SHC4: variants seen among roughly 807,000 people sequenced by gnomAD.
SHC4 encodes the protein SHC adaptor protein 4, also known as SHC-transforming protein 4.
A neutral mutation model predicts 69.4 loss-of-function variants in SHC4; 41 were observed. That is an observed-to-expected ratio of 0.59 (90% CI 0.46 to 0.77). The LOEUF (loss-of-function observed/expected upper bound fraction) is 0.77, where lower values mean the gene tolerates loss of function less well. SHC4 is among the 30% of genes least tolerant of loss of function. The pLI is 0.00. For synonymous variants in SHC4, 318 were observed against 299.3 expected (o/e 1.06, Z -0.64); for missense variants, 777 against 783.8 (o/e 0.99, Z 0.10).
At chr15:48,960,209 C>T (rs1462152032) in intron 1 of SHC4, among the ~76,000 whole-genome samples, 1 of 152,114 alleles carries the variant, frequency 6.6e-6, no homozygotes, top group Non-Finnish European at 1.5e-5. Context: ...GAGGCACTCC[C>T]TAGGGAAACT....
intron 1 of SHC4, among the ~76,000 whole-genome samples, chr15:48,949,885 T>G (rs1001877144): frequency 2.1e-5 from 3 of 145,132 alleles, no homozygotes; most frequent in African/African-American, 7.5e-5. Context: ...TTATAATGTA[T>G]GTATACAAGT....
intron 2 of SHC4, among the ~76,000 whole-genome samples, chr15:48,914,794 T>C (rs181145042): frequency 3.8e-4 from 58 of 152,346 alleles, no homozygotes; most frequent in African/African-American, 1.2e-3. Flanking sequence ...TTTTTAAGCA[T>C]ACAGCTCAGT....
rs117523406 is a variant in SHC4 at position 48,938,835 on chromosome 15, G to C, written c.586-13886C>G. ...GACTGATACAATAACCATGAGAGGG[G>C]AGAAGGAATATGGCATACAGTCTAG... On this transcript the variant is annotated intron_variant, in intron 1 of 11. Coordinates refer to ENST00000332408, the MANE Select transcript of SHC4 (RefSeq NM_203349.4). Among the ~76,000 whole-genome samples, 164 of 152,316 alleles carry C rather than the reference G, an allele frequency of 1.1e-3. No individual in the cohort carries two copies. The East Asian group carries it at 0.028, about 26-fold the overall frequency.
At chr15:48,926,434 C>G (rs1320600076) in intron 1 of SHC4, among the ~76,000 whole-genome samples, 1 of 151,752 alleles carries the variant, frequency 6.6e-6, no homozygotes, top group Non-Finnish European at 1.5e-5. Context: ...GGGCACCTAC[C>G]CAAACACTTC....
intron 1 of SHC4, among the ~76,000 whole-genome samples, chr15:48,955,124 A>ACTCTGT (rs1901424166): frequency 6.6e-6 from 1 of 152,060 alleles, no homozygotes; most frequent in Non-Finnish European, 1.5e-5. Context: ...AGCCCCCAGT[A>ACTCTGT]CTCTGTCCCT....
At chr15:48,838,318 G>A (rs866347350) in intron 10 of SHC4, among the ~76,000 whole-genome samples, 104 of 152,260 alleles carry the variant, frequency 6.8e-4, no homozygotes, top group African/African-American at 2.3e-3. Context: ...CACAAATGAC[G>A]CAAAAGGACC....
At position 48,878,726 on chromosome 15, in the gene SHC4, A is replaced by G. The variant is rs1176747198; in HGVS notation, c.840+5522T>C. On this transcript the variant is annotated intron_variant, in intron 4 of 11. Coordinates refer to ENST00000332408, the MANE Select transcript of SHC4 (RefSeq NM_203349.4). ...CGAAGAACTCGGCTGTGATGAGATT[A>G]TTGATAGAGAGTAGTTAGATGCTGT... 4 of 1,613,076 alleles carry G rather than the reference A, an allele frequency of 2.5e-6. No homozygotes were observed. The East Asian group carries it at 8.9e-5, about 36-fold the overall frequency.
At position 48,867,892 on chromosome 15, in the gene SHC4, G is replaced by C. The variant is rs142469465; in HGVS notation, c.895-23C>G. On this transcript the variant is annotated intron_variant, in intron 5 of 11. Coordinates refer to ENST00000332408, the MANE Select transcript of SHC4 (RefSeq NM_203349.4). ...ATCCTATAAAAAAGGGAAAATGACT[G>C]TATTTAAAATGGATGAACTGTACTG... 1.1e-3 allele frequency: 1,829 copies of C among 1,596,428 alleles called. 38 individuals carry two copies. The East Asian group carries it at 0.033, about 29-fold the overall frequency.
At chr15:48,848,923 C>T (rs1899148941) in intron 9 of SHC4, among the ~76,000 whole-genome samples, 1 of 151,260 alleles carries the variant, frequency 6.6e-6, no homozygotes, top group Admixed American at 6.6e-5. Context: ...TGTGATTTAG[C>T]CCATTCAACA....
intron 1 of SHC4, among the ~76,000 whole-genome samples, chr15:48,956,171 T>A: frequency 6.6e-6 from 1 of 152,162 alleles, no homozygotes; most frequent in East Asian, 1.9e-4. Context: ...CAATGCCAAG[T>A]CATCAGTTTT....
At chr15:48,916,979 T>C (rs911298474) in intron 2 of SHC4, among the ~76,000 whole-genome samples, 3 of 152,202 alleles carry the variant, frequency 2.0e-5, no homozygotes, top group African/African-American at 7.2e-5. Flanking sequence ...GGTGATGAAA[T>C]AAATGTTCCC....
At chr15:48,869,873 C>G (rs552464866) in intron 5 of SHC4, among the ~76,000 whole-genome samples, 4 of 152,284 alleles carry the variant, frequency 2.6e-5, no homozygotes, top group African/African-American at 9.6e-5. Flanking sequence ...CACAGAGGTG[C>G]TCTCAATGCA....
At chr15:48,839,491 A>C (rs970171878) in intron 10 of SHC4, among the ~76,000 whole-genome samples, 3 of 151,874 alleles carry the variant, frequency 2.0e-5, no homozygotes, top group Non-Finnish European at 2.9e-5. Flanking sequence ...GACAGTGGAC[A>C]CCAAAAGTCC....
chr15:48,947,337 T>C (rs1321360964), intron 1 of SHC4: 1 of 152,152 alleles, frequency 6.6e-6, no homozygotes, highest in Non-Finnish European at 1.5e-5. Flanking sequence ...GGTACTGACA[T>C]GCAAGGGTGC....
chr15:48,878,511 C>T (rs1346676098), intron 4 of SHC4: 3 of 1,613,910 alleles, frequency 1.9e-6, no homozygotes, highest in South Asian at 2.2e-5. Flanking sequence ...TACGACTATC[C>T]CGAAGAGGAG....
chr15:48,947,887 T>C (rs1901302888), intron 1 of SHC4: 1 of 152,136 alleles, frequency 6.6e-6, no homozygotes, highest in Non-Finnish European at 1.5e-5. Context: ...AAAACAAAAA[T>C]CAAGGCATCT....
intron 11 of SHC4, among the ~76,000 whole-genome samples, chr15:48,828,826 T>C (rs954528698): frequency 5.3e-5 from 8 of 152,240 alleles, no homozygotes; most frequent in African/African-American, 1.7e-4. Context: ...GAAATCTCTA[T>C]TCATTCAAGT....
At chr15:48,925,218 G>A (rs1014446007) in intron 1 of SHC4, among the ~76,000 whole-genome samples, 1 of 152,190 alleles carries the variant, frequency 6.6e-6, no homozygotes, top group East Asian at 1.9e-4. Context: ...AAGATCATGG[G>A]CTCTGGGGCC....
At chr15:48,939,676 A>G (rs548210644) in intron 1 of SHC4, among the ~76,000 whole-genome samples, 49 of 152,312 alleles carry the variant, frequency 3.2e-4, no homozygotes, top group African/African-American at 1.2e-3. Context: ...CCTCGCTTAG[A>G]TGTGACGCCA....
Sources: gnomAD v4.1 joint callset for allele counts (sites outside exome capture counted in the v4.1 genomes callset) on GRCh38, gnomAD v4.1.1 for gene constraint, MANE v1.5 for transcripts, NCBI Gene and HGNC (gene_info 2026-07-23, HGNC 2026-07-21) for gene names.